STRN3: variants seen among roughly 807,000 people sequenced by gnomAD.
STRN3 encodes the protein striatin-3.
Under a neutral mutation model 95.6 loss-of-function variants are expected in STRN3, and 29 were observed. The ratio of observed to expected loss-of-function variants is 0.30; its 90% CI spans 0.23 to 0.41. The LOEUF (loss-of-function observed/expected upper bound fraction) is 0.41, where lower values mean the gene tolerates loss of function less well. STRN3 is among the 10% of genes least tolerant of loss of function. The pLI is 1.00. For missense variants in STRN3, 890 were observed against 972.1 expected, an observed-to-expected ratio of 0.92 and a Z score of 1.12; for synonymous variants, 331 against 357.6, an observed-to-expected ratio of 0.93 and a Z score of 0.84.
At chr14:30,918,391 C>T (rs1268327152) in intron 9 of STRN3, among the ~76,000 whole-genome samples, 3 of 151,916 alleles carry the variant, frequency 2.0e-5, no homozygotes, top group Non-Finnish European at 4.4e-5. Context: ...CGCCTATAGT[C>T]CCAGCTACTT....
chr14:30,964,996 C>T (rs1203760663), intron 1 of STRN3, among the ~76,000 whole-genome samples: 2 of 151,774 alleles, frequency 1.3e-5, no homozygotes, highest in Non-Finnish European at 2.9e-5. Flanking sequence ...GGAGCTTGCT[C>T]TAGTTAGACA....
chr14:30,963,867 T>C (rs546922125), intron 1 of STRN3, among the ~76,000 whole-genome samples: 1 of 151,806 alleles, frequency 6.6e-6, no homozygotes, highest in South Asian at 2.1e-4. Context: ...CAGAAACAAA[T>C]GAAAACAAAC....
At chr14:30,976,757 G>C (rs1035043509) in intron 1 of STRN3, among the ~76,000 whole-genome samples, 1 of 152,222 alleles carries the variant, frequency 6.6e-6, no homozygotes, top group African/African-American at 2.4e-5. Context: ...AAACATACTT[G>C]TAAGTGAAAC....
intron 1 of STRN3, among the ~76,000 whole-genome samples, chr14:31,015,666 C>T (rs1883205393): frequency 6.6e-6 from 1 of 152,200 alleles, no homozygotes; most frequent in African/African-American, 2.4e-5. Flanking sequence ...AGCCACCGTG[C>T]CCCCAGCCAA....
In STRN3 at chr14:31,025,965, T is replaced by C. The variant is rs1165539138; in HGVS notation, c.221A>G (p.His74Arg). 2 of 1,588,172 alleles carry C rather than the reference T, an allele frequency of 1.3e-6. No homozygotes were observed. Among genetic ancestry groups the C allele is most frequent in the South Asian group, 1.1e-5 (1 of 87,610 alleles). ...CTCCATCTCGAACCGAGCCCACTCG[T>C]GCTGGATGTAGTGCAGTATCCCCGG... is the stretch of plus-strand genomic sequence containing the variant. The part of the protein sequence containing the change: ...TIPGILHYIQ[H>R]EWARFEMERA... The change falls in exon 1 of 18, where the codon CAC (histidine) becomes CGC (arginine). Residue 74 changes from histidine (H) to arginine (R), a missense_variant. By Grantham distance (29) the His-to-Arg change is conservative. Coordinates refer to ENST00000357479, the MANE Select transcript of STRN3 (RefSeq NM_001083893.2).
intron 1 of STRN3, among the ~76,000 whole-genome samples, chr14:30,983,976 T>C (rs1293569803): frequency 1.3e-5 from 2 of 152,022 alleles, no homozygotes; most frequent in Non-Finnish European, 2.9e-5. Context: ...ATACAGTGTC[T>C]GAGAGGCAGG....
At chr14:30,992,060 T>C (rs568565154) in intron 1 of STRN3, among the ~76,000 whole-genome samples, 1 of 151,648 alleles carries the variant, frequency 6.6e-6, no homozygotes, top group South Asian at 2.1e-4. Flanking sequence ...ACAGTAGAGA[T>C]AATAGTATAT....
At chr14:30,961,175 A>T (rs949805304) in intron 1 of STRN3, among the ~76,000 whole-genome samples, 54 of 152,200 alleles carry the variant, frequency 3.5e-4, no homozygotes, top group Admixed American at 3.4e-3. Flanking sequence ...CCTAAAACTA[A>T]AAATGTTTTT....
chr14:31,016,821 T>C (rs984561753), intron 1 of STRN3, among the ~76,000 whole-genome samples: 4 of 151,998 alleles, frequency 2.6e-5, no homozygotes, highest in Non-Finnish European at 5.9e-5. Context: ...GGGATTACAG[T>C]CATGAGCCAC....
At chr14:30,968,869 G>A (rs1880682421) in intron 1 of STRN3, among the ~76,000 whole-genome samples, 3 of 151,948 alleles carry the variant, frequency 2.0e-5, no homozygotes, top group Admixed American at 6.6e-5. Flanking sequence ...AAGCGTGTAA[G>A]GAAAGTAAAA....
chr14:30,988,357 T>C (rs1323863067), intron 1 of STRN3, among the ~76,000 whole-genome samples: 2 of 152,206 alleles, frequency 1.3e-5, no homozygotes, highest in Non-Finnish European at 2.9e-5. Flanking sequence ...GGTATTAACT[T>C]TTCTAAGCTT....
Position 30,956,044 on chromosome 14 carries a change from C to A in STRN3, c.386+95G>T, listed in dbSNP as rs546962009. On this transcript the variant is annotated intron_variant, in intron 2 of 17. Coordinates refer to ENST00000357479, the MANE Select transcript of STRN3 (RefSeq NM_001083893.2). Reference sequence around the variant, plus strand: ...TCATGTATTCGGGCAAGGATTTGTACCTTTCAAAAAAAGCTGCCAAATACA... The same window carrying A: ...TCATGTATTCGGGCAAGGATTTGTAACTTTCAAAAAAAGCTGCCAAATACA... The A allele has an allele frequency of 5.8e-5, 59 of 1,011,534 alleles. No individual in the cohort carries two copies. The South Asian group carries it at 9.3e-4, about 16-fold the overall frequency. The allele number at this position is 1,011,534 out of a possible 1,614,324, so 62.7% of individuals were successfully genotyped here.
At chr14:30,929,783 G>A (rs952595044) in intron 7 of STRN3, among the ~76,000 whole-genome samples, 1 of 151,594 alleles carries the variant, frequency 6.6e-6, no homozygotes, top group Non-Finnish European at 1.5e-5. Flanking sequence ...TGCATGCACA[G>A]GATTAACTGT....
At chr14:30,907,294 T>TA (rs746309548) in intron 13 of STRN3, among the ~76,000 whole-genome samples, 8 of 151,162 alleles carry the variant, frequency 5.3e-5, no homozygotes, top group East Asian at 3.9e-4. Flanking sequence ...TTTTTTTTTT[T>TA]AAAACAGCTT....
At chr14:30,944,612 T>C (rs954841845) in intron 5 of STRN3, among the ~76,000 whole-genome samples, 1 of 120,932 alleles carries the variant, frequency 8.3e-6, no homozygotes, top group Non-Finnish European at 1.6e-5. Flanking sequence ...TATACACATA[T>C]ATATACACAT....
chr14:31,000,802 T>C (rs1310849257), intron 1 of STRN3, among the ~76,000 whole-genome samples: 1 of 151,580 alleles, frequency 6.6e-6, no homozygotes, highest in Non-Finnish European at 1.5e-5. Flanking sequence ...TTATTTATAG[T>C]GGCTGGCACA....
At chr14:31,025,583 G>A (rs1883793984) in intron 1 of STRN3, 2 of 429,748 alleles carry the variant, frequency 4.7e-6, no homozygotes, top group South Asian at 2.3e-5. Context: ...CCCACAGAGA[G>A]GTGCTCGGTC....
At chr14:31,018,619 G>A (rs1883356714) in intron 1 of STRN3, 2 of 505,346 alleles carry the variant, frequency 4.0e-6, no homozygotes, top group Admixed American at 2.1e-5. Context: ...AGACCACAGA[G>A]CTCAAAGAAG....
intron 1 of STRN3, among the ~76,000 whole-genome samples, chr14:30,980,930 A>ATT (rs2139225901): frequency 6.6e-6 from 1 of 152,250 alleles, no homozygotes; most frequent in African/African-American, 2.4e-5. Flanking sequence ...AAAAAACTTA[A>ATT]ATATTTTAGC....
Sources: gnomAD v4.1 joint callset for allele counts (sites outside exome capture counted in the v4.1 genomes callset) on GRCh38, gnomAD v4.1.1 for gene constraint, MANE v1.5 for transcripts, NCBI Gene and HGNC (gene_info 2026-07-23, HGNC 2026-07-21) for gene names.